KAT6A: variants seen among roughly 807,000 people sequenced by gnomAD.
KAT6A encodes histone acetyltransferase KAT6A.
Under a neutral mutation model 198.4 loss-of-function variants are expected in KAT6A, and 9 were observed. The observed-to-expected ratio is 0.05, with a 90% CI of 0.03 to 0.08. The LOEUF is 0.08. Among genes scored for constraint, KAT6A ranks in the 10% least tolerant of loss-of-function variants. The pLI, the probability that KAT6A is intolerant of heterozygous loss-of-function variation, is 1.00. For synonymous variants in KAT6A, 890 were observed against 883.0 expected (o/e 1.01, Z -0.14); for missense variants, 2,077 against 2,509.9 (o/e 0.83, Z 3.69).
At position 41,989,677 on chromosome 8, in the gene KAT6A, A is replaced by G. The variant is rs569188252; in HGVS notation, c.601-2114T>C. Among the ~76,000 whole-genome samples the G allele has an allele frequency of 1.1e-3, 162 of 152,366 alleles. 1 individual carries two copies. Among genetic ancestry groups the G allele is most frequent in the Non-Finnish European group, 1.7e-3 (115 of 68,044 alleles). On this transcript the variant is annotated intron_variant, in intron 2 of 16. Transcript: ENST00000265713. ...AAATTTAAGACAGAGACTGGTCTGG[A>G]TTTAAAAATCTAGAAGTCATATACA...
chr8:42,034,296 T>C (rs903234917), intron 2 of KAT6A, among the ~76,000 whole-genome samples: 1 of 152,182 alleles, frequency 6.6e-6, no homozygotes, highest in Non-Finnish European at 1.5e-5. Context: ...TCTGATTGAA[T>C]AGGCCTGAAA....
chr8:42,015,974 TG>T (rs1417413942), intron 2 of KAT6A, among the ~76,000 whole-genome samples: 1 of 152,152 alleles, frequency 6.6e-6, no homozygotes, highest in Non-Finnish European at 1.5e-5. Context: ...TTAATGCAAA[TG>T]CAGATGAGGC....
intron 8 of KAT6A, chr8:41,957,369 AG>A: frequency 2.0e-6 from 1 of 491,600 alleles, no homozygotes; most frequent in Non-Finnish European, 4.1e-6. Flanking sequence ...CTCTCTACAC[AG>A]GGAGGAAGAA....
intron 2 of KAT6A, among the ~76,000 whole-genome samples, chr8:42,013,698 T>C (rs1826128418): frequency 6.6e-6 from 1 of 151,262 alleles, no homozygotes; most frequent in Admixed American, 6.6e-5. Flanking sequence ...GATATTTACT[T>C]ATTTATTAAC....
In KAT6A at chr8:41,933,969, A is replaced by G. The variant is rs755288560; in HGVS notation, c.4251T>C (p.His1417=). 37 of 1,613,838 alleles carry G rather than the reference A, an allele frequency of 2.3e-5. No individual in the cohort carries two copies. The highest frequency in any genetic ancestry group is 3.1e-5 in the Non-Finnish European group (36 of 1,180,002). ...IELKEEEEIP[H]SELDLETVQA... ...GTACAGTTTCCAGATCCAGCTCACT[A>G]TGAGGAATCTCTTCCTCCTCTTTTA... The change falls in exon 17 of 17, where the codon CAT becomes CAC. Residue 1417 remains histidine, a synonymous_variant. Coordinates refer to ENST00000265713, the MANE Select transcript of KAT6A (RefSeq NM_006766.5). This position sits in a 1 kb window ranked among gnomAD's most constrained non-coding sequence, Gnocchi z 6.2.
chr8:42,016,884 T>C (rs886605333), intron 2 of KAT6A, among the ~76,000 whole-genome samples: 5 of 152,082 alleles, frequency 3.3e-5, no homozygotes, highest in African/African-American at 9.7e-5. Flanking sequence ...TCCAAATGAC[T>C]CTGGATCTCT....
intron 2 of KAT6A, among the ~76,000 whole-genome samples, chr8:42,036,370 G>A (rs190660628): frequency 6.6e-6 from 1 of 152,084 alleles, no homozygotes; most frequent in Non-Finnish European, 1.5e-5. Flanking sequence ...CAGCACTTTG[G>A]GAGGCCAAGG....
chr8:41,984,097 T>C (rs532071602), intron 3 of KAT6A, among the ~76,000 whole-genome samples: 19 of 152,366 alleles, frequency 1.2e-4, no homozygotes, highest in Non-Finnish European at 2.2e-4. Flanking sequence ...TCAACGTTCA[T>C]GTATCCAGCT....
At chr8:41,963,972 C>T (rs994501218) in intron 8 of KAT6A, among the ~76,000 whole-genome samples, 1 of 152,092 alleles carries the variant, frequency 6.6e-6, no homozygotes, top group Non-Finnish European at 1.5e-5. Context: ...CTCATCCCTT[C>T]AGCACCCTAC....
At chr8:41,946,485 TATATATATACACACAC>T in intron 12 of KAT6A, 90 bp downstream of exon 12, 2 of 379,432 alleles carry the variant, frequency 5.3e-6, no homozygotes, top group Non-Finnish European at 8.9e-6. Context: ...TCTTTAAATA[TATATATATACACACAC>T]ACACACACAC....
At chr8:42,004,238 G>A (rs551169395) in intron 2 of KAT6A, among the ~76,000 whole-genome samples, 31 of 152,244 alleles carry the variant, frequency 2.0e-4, no homozygotes, top group South Asian at 1.7e-3. Context: ...CATATGCTAA[G>A]TAACAAACAT....
At chr8:41,980,373 C>A (rs200800019) in intron 5 of KAT6A, among the ~76,000 whole-genome samples, 204 of 151,784 alleles carry the variant, frequency 1.3e-3, no homozygotes, top group African/African-American at 3.7e-3. Context: ...ACAACAACAA[C>A]AAAAAACCTT....
chr8:42,044,960 C>G (rs952877437), intron 2 of KAT6A, among the ~76,000 whole-genome samples: 3 of 152,052 alleles, frequency 2.0e-5, no homozygotes, highest in Non-Finnish European at 4.4e-5. Context: ...CTGCGTAGTT[C>G]GAAGGAGAGG....
Position 41,932,577 on chromosome 8 carries a change from T to C in KAT6A, c.5643A>G (p.Ala1881=), listed in dbSNP as rs1821606466. The C allele has an allele frequency of 6.2e-7, 1 of 1,614,246 alleles. No individual in the cohort carries two copies. The part of the protein sequence containing the change: ...QQQLYGRSPS[A]VAMQAGPRAL... ...CGCGAGGGCCAGCCTGCATGGCAACTGCCGATGGGCTACGGCCATACAGCT... is the reference window on the plus strand; with the variant it reads ...CGCGAGGGCCAGCCTGCATGGCAACCGCCGATGGGCTACGGCCATACAGCT... Residue 1881 remains alanine, a synonymous_variant, in exon 17 of 17, where the codon GCA becomes GCG. Transcript: ENST00000265713.
At chr8:41,939,629 T>C (rs1822008152) in intron 15 of KAT6A, among the ~76,000 whole-genome samples, 1 of 152,200 alleles carries the variant, frequency 6.6e-6, no homozygotes, top group South Asian at 2.1e-4. Context: ...CTCAAGAATA[T>C]ATTACCCCAT....
chr8:41,944,217 A>G (rs745908016), intron 12 of KAT6A, among the ~76,000 whole-genome samples: 7 of 152,214 alleles, frequency 4.6e-5, no homozygotes, highest in African/African-American at 7.2e-5. Flanking sequence ...GTTAATATCA[A>G]TCACCTTGTT....
chr8:42,031,426 A>C (rs1457934288), intron 2 of KAT6A, among the ~76,000 whole-genome samples: 1 of 151,942 alleles, frequency 6.6e-6, no homozygotes, highest in Non-Finnish European at 1.5e-5. Flanking sequence ...GGATAAAGAG[A>C]GCTGAATAAT....
chr8:42,033,220 C>T (rs1339353008), intron 2 of KAT6A, among the ~76,000 whole-genome samples: 2 of 152,112 alleles, frequency 1.3e-5, no homozygotes, highest in Admixed American at 6.6e-5. Context: ...TTACCTCTGT[C>T]ACCACTGATG....
intron 2 of KAT6A, among the ~76,000 whole-genome samples, chr8:42,019,752 A>T (rs1564069427): frequency 6.6e-6 from 1 of 152,098 alleles, no homozygotes. Flanking sequence ...CAATTTACAG[A>T]TATGCTTCAC....
Sources: allele counts gnomAD v4.1 joint callset (sites outside exome capture counted in the v4.1 genomes callset), GRCh38; gene constraint gnomAD v4.1.1; non-coding constraint Gnocchi (gnomAD v3.1); transcripts MANE v1.5; gene names NCBI Gene and HGNC (gene_info 2026-07-23, HGNC 2026-07-21).